Variants in PTK7 observed in about 807,000 individuals in gnomAD.
The protein encoded by PTK7 is inactive tyrosine-protein kinase 7.
Under a neutral mutation model 116.6 loss-of-function variants are expected in PTK7, and 39 were observed. The ratio of observed to expected loss-of-function variants is 0.33; its 90% confidence interval spans 0.26 to 0.44. PTK7 has a LOEUF of 0.44. Among genes scored for constraint, PTK7 ranks in the 20% least tolerant of loss-of-function variants. The probability of loss-of-function intolerance (pLI) is 1.00; values close to 1 mark genes in which losing one functional copy is unlikely to be tolerated. For synonymous variants in PTK7, 546 were observed against 563.6 expected (o/e 0.97, Z 0.44); for missense variants, 1,169 against 1,425.6 (o/e 0.82, Z 2.90).
chr6:43,145,358 G>A lies in PTK7; in HGVS notation c.2566G>A (p.Ala856Thr). Residue 856 changes from alanine to threonine, a missense_variant, in exon 16 of 20, where the codon GCC becomes ACC. Coordinates refer to ENST00000230419, the MANE Select transcript of PTK7 (RefSeq NM_002821.5). The surrounding 1 kb of genome is among the most constrained non-coding windows in gnomAD (Gnocchi z 4.8). ...GGAGATGTTTGGGAAGCTGAACCAC[G>A]CCAACGTGGTGCGGCTCCTGGGGCT... ...ELEMFGKLNHANVVRLLGLCR... is the reference protein window; with the variant it reads ...ELEMFGKLNHTNVVRLLGLCR... The A allele has an allele frequency of 1.9e-6, 3 of 1,613,540 alleles. No individual in the cohort carries two copies. The highest frequency in any genetic ancestry group is 1.1e-5 in the South Asian group (1 of 91,038).
chr6:43,135,650 C>T (rs906190907), intron 7 of PTK7, among the ~76,000 whole-genome samples: 2 of 152,178 alleles, frequency 1.3e-5, no homozygotes, highest in African/African-American at 4.8e-5. Context: ...CAGTAGTCGC[C>T]TGTGTGGCTT....
intron 5 of PTK7, among the ~76,000 whole-genome samples, chr6:43,131,010 A>G (rs1769637122): frequency 6.8e-6 from 1 of 147,844 alleles, no homozygotes; most frequent in African/African-American, 2.5e-5. Context: ...AGATAGCGTG[A>G]TCCAGTGTGG....
At chr6:43,122,710 G>A (rs1213244726) in intron 1 of PTK7, among the ~76,000 whole-genome samples, 3 of 151,170 alleles carry the variant, frequency 2.0e-5, no homozygotes, top group South Asian at 2.1e-4. Flanking sequence ...TGGTTCAAGC[G>A]ATTCTCCTGT....
chr6:43,088,460 C>T (rs931879348), intron 1 of PTK7, among the ~76,000 whole-genome samples: 24 of 151,950 alleles, frequency 1.6e-4, no homozygotes, highest in African/African-American at 5.3e-4. Context: ...TTTGGGAGGC[C>T]GAGGCGGGTG....
intron 1 of PTK7, among the ~76,000 whole-genome samples, chr6:43,118,643 CTCTCTCTCTCTCTCTCTA>C (rs1367434829): frequency 9.7e-4 from 82 of 84,476 alleles, no homozygotes; most frequent in Middle Eastern, 4.6e-3. Flanking sequence ...CTCTCTCTCT[CTCTCTCTCTCTCTCTCTA>C]TATATATATA....
chr6:43,148,127 C>G (rs889514871), intron 17 of PTK7, among the ~76,000 whole-genome samples: 15 of 152,102 alleles, frequency 9.9e-5, no homozygotes, highest in African/African-American at 3.6e-4. Flanking sequence ...TGGGGGCATG[C>G]CTGTAGTCCC....
At chr6:43,160,544 AGAGT>A (rs1374113927) in intron 19 of PTK7, among the ~76,000 whole-genome samples, 173 bp from the exon 20 acceptor site, 1 of 152,212 alleles carries the variant, frequency 6.6e-6, no homozygotes, top group African/African-American at 2.4e-5. Flanking sequence ...CCTACCAGCC[AGAGT>A]GAGTGGGGCC....
intron 1 of PTK7, among the ~76,000 whole-genome samples, chr6:43,096,935 A>G (rs1277085028): frequency 6.6e-6 from 1 of 152,282 alleles, no homozygotes; most frequent in Non-Finnish European, 1.5e-5. Context: ...CCGCTGCCTT[A>G]GAACCTCATT....
intron 1 of PTK7, among the ~76,000 whole-genome samples, chr6:43,126,254 A>G (rs1306860915): frequency 1.3e-5 from 2 of 152,124 alleles, no homozygotes; most frequent in Non-Finnish European, 2.9e-5. Flanking sequence ...CGAGAGGTGG[A>G]GGTTGCAGTG....
chr6:43,149,760 C>T (rs549204789), intron 17 of PTK7, among the ~76,000 whole-genome samples: 3 of 152,312 alleles, frequency 2.0e-5, no homozygotes, highest in Non-Finnish European at 4.4e-5. Context: ...ATTAAACTTT[C>T]ACAATGTTGT....
At chr6:43,116,520 T>A (rs760669665) in intron 1 of PTK7, among the ~76,000 whole-genome samples, 17 of 152,132 alleles carry the variant, frequency 1.1e-4, no homozygotes, top group South Asian at 2.1e-4. Context: ...TTCTTTCTCT[T>A]ATCCCTTTGA....
rs184541887 is a variant in PTK7 at position 43,082,319 on chromosome 6, G to C, written c.79+5752G>C. ...GCCTCCTGAGCAGCTGGGATTACAG[G>C]CGCGCACCACCACGCCAGGCTAATT... On this transcript the variant is annotated intron_variant, in intron 1 of 19. Transcript: ENST00000230419. 1.4e-4 allele frequency among the ~76,000 whole-genome samples: 22 copies of C among 152,208 alleles called. No homozygotes were observed. The East Asian group carries it at 4.1e-3, about 28-fold the overall frequency.
chr6:43,137,572 A>G (rs1245492886), intron 7 of PTK7, among the ~76,000 whole-genome samples: 2 of 152,234 alleles, frequency 1.3e-5, no homozygotes, highest in Non-Finnish European at 2.9e-5. Flanking sequence ...TTGGATTTAT[A>G]GGAATCAGGA....
chr6:43,081,489 C>T (rs769577150), intron 1 of PTK7, among the ~76,000 whole-genome samples: 24 of 152,208 alleles, frequency 1.6e-4, no homozygotes, highest in African/African-American at 4.8e-4. Flanking sequence ...ACTGCAACCT[C>T]TACCTCCCAG....
intron 1 of PTK7, among the ~76,000 whole-genome samples, chr6:43,082,413 T>C (rs994255521): frequency 1.3e-5 from 2 of 152,070 alleles, no homozygotes; most frequent in African/African-American, 4.8e-5. Context: ...CCTGACTTCA[T>C]GATCCGCCCA....
At chr6:43,101,588 A>G (rs999259478) in intron 1 of PTK7, among the ~76,000 whole-genome samples, 1 of 151,984 alleles carries the variant, frequency 6.6e-6, no homozygotes, top group African/African-American at 2.4e-5. Flanking sequence ...AGATAGTTGT[A>G]TCAAATAGTT....
At chr6:43,107,569 T>C (rs1415513949) in intron 1 of PTK7, among the ~76,000 whole-genome samples, 1 of 152,246 alleles carries the variant, frequency 6.6e-6, no homozygotes, top group Non-Finnish European at 1.5e-5. Flanking sequence ...ATATGTTTAC[T>C]TGCCTGACTC....
At chr6:43,110,767 C>G (rs1038704871) in intron 1 of PTK7, among the ~76,000 whole-genome samples, 8 of 152,224 alleles carry the variant, frequency 5.3e-5, no homozygotes, top group Admixed American at 5.2e-4. Context: ...GGCCAGCAAC[C>G]CCTCTTCTGT....
chr6:43,151,656 C>G (rs538535359), intron 17 of PTK7, among the ~76,000 whole-genome samples: 2 of 147,788 alleles, frequency 1.4e-5, no homozygotes, highest in Non-Finnish European at 3.0e-5. Context: ...CTCAGCCTCC[C>G]GAGTAGAGTA....
Sources: gnomAD v4.1 joint callset for allele counts (sites outside exome capture counted in the v4.1 genomes callset) on GRCh38, gnomAD v4.1.1 for gene constraint, Gnocchi (gnomAD v3.1) non-coding constraint, MANE v1.5 for transcripts, NCBI Gene and HGNC (gene_info 2026-07-23, HGNC 2026-07-21) for gene names.